Variants in DNM3 observed in about 807,000 individuals in gnomAD.
The protein encoded by DNM3 is dynamin 3.
DNM3 carries 47 observed loss-of-function variants against 101.6 expected under a neutral mutation model. That is an observed-to-expected ratio of 0.46 (90% CI 0.37 to 0.59). The LOEUF (loss-of-function observed/expected upper bound fraction) is 0.59. Among genes scored for constraint, DNM3 ranks in the 20% least tolerant of loss-of-function variants. The pLI is 0.00. For missense variants in DNM3, 849 were observed against 1,085.7 expected, an observed-to-expected ratio of 0.78 and a Z score of 3.06; for synonymous variants, 385 against 387.9, an observed-to-expected ratio of 0.99 and a Z score of 0.09.
chr1:172,304,332 G>A (rs1288387673), intron 15 of DNM3, among the ~76,000 whole-genome samples: 1 of 151,504 alleles, frequency 6.6e-6, no homozygotes, highest in African/African-American at 2.4e-5. Flanking sequence ...AACAAGTAGA[G>A]CTAACTATCC....
At chr1:172,310,320 G>A (rs897319652) in intron 16 of DNM3, 1 of 152,154 alleles carries the variant, frequency 6.6e-6, no homozygotes, top group South Asian at 2.1e-4. Context: ...AACCTTTGGA[G>A]CATATGCTTT....
intron 15 of DNM3, among the ~76,000 whole-genome samples, chr1:172,303,945 T>C (rs565652974): frequency 1.3e-5 from 2 of 152,090 alleles, no homozygotes; most frequent in African/African-American, 4.8e-5. Flanking sequence ...GTAAAGACCA[T>C]TGATGCTAGG....
At chr1:172,280,579 A>G (rs574918996) in intron 15 of DNM3, among the ~76,000 whole-genome samples, 1 of 152,316 alleles carries the variant, frequency 6.6e-6, no homozygotes, top group East Asian at 1.9e-4. Flanking sequence ...AATGATAACT[A>G]CATGTTTTGT....
At chr1:172,397,787 G>A (rs2070135572) in intron 20 of DNM3, among the ~76,000 whole-genome samples, 1 of 151,844 alleles carries the variant, frequency 6.6e-6, no homozygotes, top group African/African-American at 2.4e-5. Flanking sequence ...TTCTAACTTA[G>A]GACCTTTTTG....
At chr1:172,311,292 G>A (rs1473360194) in intron 16 of DNM3, 1 of 150,720 alleles carries the variant, frequency 6.6e-6, no homozygotes, top group Non-Finnish European at 1.5e-5. Context: ...AAATATGCTT[G>A]TATGCTTGGT....
In DNM3 at chr1:172,019,046, T is replaced by C. The variant is rs577297441; in HGVS notation, c.590-13356T>C. Among the ~76,000 whole-genome samples, 3 of 124,968 alleles carry C rather than the reference T, an allele frequency of 2.4e-5. No individual in the cohort carries two copies. The South Asian group carries it at 8.9e-4, about 37-fold the overall frequency. 82.0% of individuals were successfully genotyped at this position (124,968 alleles called of 152,430 possible). On this transcript the variant is annotated intron_variant, in intron 4 of 20. Coordinates refer to ENST00000627582, the MANE Select transcript of DNM3 (RefSeq NM_015569.5). ...CTCCCTCCCTTCCTCCCTCCCTTCCTCCTTTCTTCCCTCCCTTCTTTCCTT... is the reference window on the plus strand; with the variant it reads ...CTCCCTCCCTTCCTCCCTCCCTTCCCCCTTTCTTCCCTCCCTTCTTTCCTT...
At chr1:171,933,699 T>C (rs1459703219) in intron 2 of DNM3, among the ~76,000 whole-genome samples, 2 of 152,086 alleles carry the variant, frequency 1.3e-5, no homozygotes, top group African/African-American at 2.4e-5. Flanking sequence ...GGGAGGGTCT[T>C]GTGAGCCAGG....
intron 14 of DNM3, among the ~76,000 whole-genome samples, chr1:172,218,322 T>G (rs2060778910): frequency 2.0e-5 from 3 of 152,098 alleles, no homozygotes; most frequent in Non-Finnish European, 4.4e-5. Flanking sequence ...GGTTTGGGTT[T>G]GGATTATGTA....
intron 14 of DNM3, among the ~76,000 whole-genome samples, chr1:172,235,961 G>C (rs559889007): frequency 1.3e-5 from 2 of 151,968 alleles, no homozygotes; most frequent in South Asian, 4.2e-4. Flanking sequence ...AAACCTGCAC[G>C]TTGTGCACAT....
chr1:172,400,280 A>T (rs1353811163), intron 20 of DNM3, among the ~76,000 whole-genome samples: 1 of 152,034 alleles, frequency 6.6e-6, no homozygotes, highest in Admixed American at 6.6e-5. Context: ...CTGAAGTGGG[A>T]GTGACGAGAA....
intron 4 of DNM3, among the ~76,000 whole-genome samples, chr1:172,024,505 C>T (rs1408838550): frequency 6.6e-6 from 1 of 152,170 alleles, no homozygotes; most frequent in African/African-American, 2.4e-5. Flanking sequence ...TAATAATAGT[C>T]TCAGGCTGGC....
intron 1 of DNM3, among the ~76,000 whole-genome samples, chr1:171,871,104 A>G (rs2035237130): frequency 6.6e-6 from 1 of 152,202 alleles, no homozygotes; most frequent in African/African-American, 2.4e-5. Flanking sequence ...TGCAATGGAC[A>G]TCGTCAGAAA....
intron 17 of DNM3, among the ~76,000 whole-genome samples, chr1:172,365,224 A>G (rs2067949619): frequency 6.6e-6 from 1 of 151,930 alleles, no homozygotes. Context: ...AAGGGTTCTT[A>G]TCTTTTAGGA....
intron 4 of DNM3, among the ~76,000 whole-genome samples, chr1:172,011,556 G>A (rs1023601808): frequency 6.6e-6 from 1 of 151,946 alleles, no homozygotes; most frequent in South Asian, 2.1e-4. Flanking sequence ...AGTGAGTAAT[G>A]TCTGAAAATG....
At chr1:171,854,321 A>G (rs1173044388) in intron 1 of DNM3, among the ~76,000 whole-genome samples, 2 of 152,104 alleles carry the variant, frequency 1.3e-5, no homozygotes, top group Non-Finnish European at 2.9e-5. Context: ...TACCCTCCTC[A>G]TGTGGTGGTT....
At chr1:171,966,906 G>GC (rs1250617056) in intron 2 of DNM3, among the ~76,000 whole-genome samples, 21 of 152,186 alleles carry the variant, frequency 1.4e-4, no homozygotes, top group Non-Finnish European at 1.0e-4. Context: ...TATAAAGCCA[G>GC]CCTTCTGTTC....
rs918865087 is a variant in DNM3 at position 172,407,923 on chromosome 1, G to A, written c.*82G>A. 2.5e-6 allele frequency: 4 copies of A among 1,604,894 alleles called. No homozygotes were observed. The highest frequency in any genetic ancestry group is 3.4e-5 in the Admixed American group (2 of 59,692). ...TGATAACCGTTGCAGTAAATCATGAGTAGTCGCATGTGTGGACATCAGTAG... is the reference window on the plus strand; with the variant it reads ...TGATAACCGTTGCAGTAAATCATGAATAGTCGCATGTGTGGACATCAGTAG... On this transcript the variant is annotated 3_prime_UTR_variant, in exon 21 of 21. Transcript: ENST00000627582.
intron 17 of DNM3, among the ~76,000 whole-genome samples, chr1:172,377,557 T>TATATATATATATATG (rs1159603742): frequency 2.2e-5 from 2 of 92,278 alleles, no homozygotes; most frequent in African/African-American, 7.9e-5. Flanking sequence ...ATATATCATA[T>TATATATATATATATG]ATATATATAT....
intron 15 of DNM3, chr1:172,289,738 A>C: frequency 1.0e-6 from 1 of 984,972 alleles, no homozygotes; most frequent in Non-Finnish European, 1.2e-6. Context: ...TCTAAGTTTC[A>C]ATACTGTGTG....
Sources: allele counts gnomAD v4.1 joint callset (sites outside exome capture counted in the v4.1 genomes callset), GRCh38; gene constraint gnomAD v4.1.1; transcripts MANE v1.5; gene names NCBI Gene and HGNC (gene_info 2026-07-23, HGNC 2026-07-21).